The following ASS1 variants were observed in gnomAD, a reference collection of about 807,000 sequenced individuals.
ASS1 encodes argininosuccinate synthase 1, also known as argininosuccinate synthase.
A neutral mutation model predicts 60.5 loss-of-function variants in ASS1; 58 were observed. The ratio of observed to expected loss-of-function variants is 0.96; its 90% CI spans 0.78 to 1.19. The LOEUF is 1.19. ASS1 is among the 50% of genes most tolerant of loss of function. The pLI is 0.00. For missense variants in ASS1, 454 were observed against 547.3 expected, an observed-to-expected ratio of 0.83 and a Z score of 1.70; for synonymous variants, 200 against 206.9, an observed-to-expected ratio of 0.97 and a Z score of 0.29.
At chr9:130,464,214 C>A (rs1423774243) in intron 5 of ASS1, 47 bp downstream of exon 5, 2 of 1,589,250 alleles carry the variant, frequency 1.3e-6, no homozygotes, top group Non-Finnish European at 1.7e-6. Flanking sequence ...GCATCTGCAG[C>A]ACCTGATGGG....
intron 5 of ASS1, among the ~76,000 whole-genome samples, chr9:130,465,383 C>G (rs960262585): frequency 6.6e-6 from 1 of 152,152 alleles, no homozygotes; most frequent in East Asian, 1.9e-4. Context: ...CATGTTTTAC[C>G]GAAACCGATA....
At chr9:130,495,115 C>T in intron 13 of ASS1, 92 bp downstream of exon 13, 1 of 1,475,354 alleles carries the variant, frequency 6.8e-7, no homozygotes, top group African/African-American at 1.4e-5. Context: ...GAGCACATGT[C>T]AGGCACCATG....
chr9:130,475,356 A>G (rs1209167135), intron 8 of ASS1, among the ~76,000 whole-genome samples: 1 of 152,168 alleles, frequency 6.6e-6, no homozygotes, highest in African/African-American at 2.4e-5. Context: ...TAAAAAATAT[A>G]TATATACTAC....
chr9:130,445,072 G>A, intron 1 of ASS1, 77 bp downstream of exon 1: 3 of 867,080 alleles, frequency 3.5e-6, no homozygotes, highest in Non-Finnish European at 4.2e-6. Flanking sequence ...AGGAGGAGGC[G>A]TAGAAGACGC....
rs1361123853 is a variant in ASS1 at position 130,480,424 on chromosome 9, C to T, written c.813C>T (p.Asn271=). ...TGGGCCGTATTGACATCGTGGAGAA[C>T]CGCTTCATTGGAATGAAGTCCCGAG... ...HGVGRIDIVE[N]RFIGMKSRGI... is the part of the protein sequence containing the mutation. Residue 271 remains asparagine, a synonymous_variant, in exon 11 of 15, where the codon AAC becomes AAT. Coordinates refer to ENST00000352480, the MANE Select transcript of ASS1 (RefSeq NM_054012.4). 20 of 1,614,180 alleles carry T rather than the reference C, an allele frequency of 1.2e-5. No homozygotes were observed. The highest frequency in any genetic ancestry group is 1.7e-5 in the Non-Finnish European group (20 of 1,180,028).
Position 130,501,244 on chromosome 9 carries a change from A to T in ASS1, c.*223A>T, listed in dbSNP as rs187259733. ...TGCGGTGGGGAGCTATAAAAATGAC[A>T]ATTAAAAGAGACACTAGTCTTTTAT... is the stretch of plus-strand genomic sequence containing the variant. On this transcript the variant is annotated 3_prime_UTR_variant, in exon 15 of 15. Coordinates refer to ENST00000352480, the MANE Select transcript of ASS1 (RefSeq NM_054012.4). The T allele has an allele frequency of 7.8e-4, 438 of 558,104 alleles. 1 individual carries two copies. Among genetic ancestry groups the T allele is most frequent in the Admixed American group, 1.2e-3 (40 of 32,690 alleles). The allele number at this position is 558,104 out of a possible 1,614,324, so 34.6% of individuals were successfully genotyped here.
chr9:130,497,358 G>A (rs1036809759), intron 13 of ASS1, among the ~76,000 whole-genome samples: 1 of 152,198 alleles, frequency 6.6e-6, no homozygotes, highest in Non-Finnish European at 1.5e-5. Flanking sequence ...CGAGGAAGCC[G>A]TGAGAGGTAG....
chr9:130,489,370 T>C lies in ASS1; in HGVS notation c.876T>C (p.His292=), dbSNP rs1057484. The part of the protein sequence containing the change: ...YETPAGTILY[H]AHLDIEAFTM... Reference sequence around the variant, plus strand: ...CCCCAGCAGGCACCATCCTTTACCATGCTCATTTAGACATCGAGGCCTTCA... The same window carrying C: ...CCCCAGCAGGCACCATCCTTTACCACGCTCATTTAGACATCGAGGCCTTCA... The change falls in exon 12 of 15, where the codon CAT becomes CAC. Residue 292 remains histidine, a synonymous_variant. Transcript: ENST00000352480. This position sits in a 1 kb window ranked among gnomAD's most constrained non-coding sequence, Gnocchi z 4.1. 158,866 of 1,613,790 alleles carry C rather than the reference T, an allele frequency of 0.098. 8,636 individuals are homozygous for C. The highest frequency in any genetic ancestry group is 0.11 in the African/African-American group (8,516 of 74,926).
chr9:130,480,561 T>C, intron 11 of ASS1, 112 bp downstream of exon 11: 2 of 1,184,916 alleles, frequency 1.7e-6, no homozygotes, highest in Non-Finnish European at 2.4e-6. Flanking sequence ...TGGGCGACCT[T>C]GGGCACGTCC....
chr9:130,484,797 A>ATG (rs1554724054), intron 11 of ASS1, among the ~76,000 whole-genome samples: 7 of 100,868 alleles, frequency 6.9e-5, no homozygotes, highest in African/African-American at 2.6e-4. Flanking sequence ...AGAGCTTTAA[A>ATG]CGCACACACA....
chr9:130,459,861 T>C lies in ASS1; in HGVS notation c.363+1272T>C, dbSNP rs1271228169. 6.6e-6 allele frequency among the ~76,000 whole-genome samples: 1 copy of C among 152,266 alleles called. No individual in the cohort carries two copies. The highest frequency in any genetic ancestry group is 2.4e-5 in the African/African-American group (1 of 41,472). On this transcript the variant is annotated intron_variant, in intron 4 of 14. Transcript: ENST00000352480. The surrounding 1 kb of genome is among the most constrained non-coding windows in gnomAD (Gnocchi z 4.6). The stretch of plus-strand genomic sequence containing the variant: ...CCGTACCCCTTCCCTCCGGGCCGTG[T>C]GTCCCAGTGCAGACTGCGGGGTCCC...
At chr9:130,475,486 C>T (rs1454599671) in intron 8 of ASS1, among the ~76,000 whole-genome samples, 8 of 152,168 alleles carry the variant, frequency 5.3e-5, no homozygotes, top group East Asian at 3.8e-4. Context: ...GATCCTGGCA[C>T]GGGGTAATGC....
intron 4 of ASS1, among the ~76,000 whole-genome samples, chr9:130,463,266 G>A (rs376153821): frequency 6.6e-6 from 1 of 152,258 alleles, no homozygotes; most frequent in African/African-American, 2.4e-5. Context: ...GGAGACGTGC[G>A]CGGCCATTTT....
chr9:130,464,618 G>A (rs530838631), intron 5 of ASS1, among the ~76,000 whole-genome samples: 185 of 152,256 alleles, frequency 1.2e-3, no homozygotes, highest in Admixed American at 3.7e-3. Context: ...TCCTCCCCAG[G>A]CCACCTGTGC....
At position 130,486,697 on chromosome 9, in the gene ASS1, A is replaced by G. The variant is rs1009842019; in HGVS notation, c.839-2636A>G. Among the ~76,000 whole-genome samples the G allele has an allele frequency of 2.0e-5, 3 of 152,166 alleles. No individual in the cohort carries two copies. In the East Asian group the frequency reaches 5.8e-4, roughly 29 times the overall value. Reference sequence around the variant, plus strand: ...CGAAGGCTGCAGCCCCCACCAATGAAGCGGGATGGGCTCTTTCACAGCACA... The same window carrying G: ...CGAAGGCTGCAGCCCCCACCAATGAGGCGGGATGGGCTCTTTCACAGCACA... On this transcript the variant is annotated intron_variant, in intron 11 of 14. Transcript: ENST00000352480.
intron 9 of ASS1, among the ~76,000 whole-genome samples, chr9:130,479,250 G>A (rs12553162): frequency 0.099 from 15,070 of 152,054 alleles, 831 homozygotes; most frequent in Non-Finnish European, 0.11. Flanking sequence ...GGGTCGGGGC[G>A]CGGGGTCCGC....
intron 4 of ASS1, among the ~76,000 whole-genome samples, chr9:130,460,359 T>A (rs1298476308): frequency 6.6e-6 from 1 of 152,210 alleles, no homozygotes; most frequent in Non-Finnish European, 1.5e-5. Flanking sequence ...GGGTATCTGC[T>A]GGGAGTTGGG....
intron 1 of ASS1, among the ~76,000 whole-genome samples, chr9:130,448,580 T>G (rs1845252792): frequency 6.6e-6 from 1 of 152,098 alleles, no homozygotes; most frequent in Non-Finnish European, 1.5e-5. Flanking sequence ...TTTGGTTTAT[T>G]TAAGACAGAG....
At chr9:130,452,148 C>T (rs1845341470) in intron 1 of ASS1, 76 bp from the exon 2 acceptor site, 33 of 1,291,326 alleles carry the variant, frequency 2.6e-5, no homozygotes, top group Non-Finnish European at 3.7e-5. Context: ...AAGGTCGGGG[C>T]TGGGCTGTCT....
Sources: gnomAD v4.1 joint callset for allele counts (sites outside exome capture counted in the v4.1 genomes callset) on GRCh38, gnomAD v4.1.1 for gene constraint, Gnocchi (gnomAD v3.1) non-coding constraint, MANE v1.5 for transcripts, NCBI Gene and HGNC (gene_info 2026-07-23, HGNC 2026-07-21) for gene names.